The following INTU variants were observed in gnomAD, a reference collection of about 807,000 sequenced individuals.
The protein encoded by INTU is protein inturned.
INTU carries 68 observed loss-of-function variants against 100.5 expected under a neutral mutation model. That is an observed-to-expected ratio of 0.68 (90% confidence interval 0.56 to 0.83). INTU has a LOEUF of 0.83. Among genes scored for constraint, INTU ranks in the 40% least tolerant of loss-of-function variants. The pLI, the probability that INTU is intolerant of heterozygous loss-of-function variation, is 0.00. For missense variants in INTU, 1,071 were observed against 1,114.7 expected (o/e 0.96, Z 0.56); for synonymous variants, 357 against 395.7 (o/e 0.90, Z 1.16).
intron 3 of INTU, among the ~76,000 whole-genome samples, chr4:127,660,012 A>G (rs1456094976): frequency 6.6e-6 from 1 of 152,188 alleles, no homozygotes; most frequent in African/African-American, 2.4e-5. Flanking sequence ...CATTTATATC[A>G]ACATTTTAAA....
In INTU at chr4:127,718,097, T is replaced by G. The variant is rs557510981; in HGVS notation, c.*1661T>G. ...CTTAAATGGTATTGCCTAGATTTTC[T>G]TCTAGGGATTTTATAGTTTTGGGCT... On this transcript the variant is annotated 3_prime_UTR_variant, in exon 16 of 16. Transcript: ENST00000335251. 1 of 152,342 alleles carries G rather than the reference T, an allele frequency of 6.6e-6. No homozygotes were observed. Among genetic ancestry groups the G allele is most frequent in the African/African-American group, 2.4e-5 (1 of 41,584 alleles). 9.4% of individuals were successfully genotyped at this position (152,342 alleles called of 1,614,324 possible). A position where few individuals can be genotyped will look rare whatever the true frequency, so the allele number is the denominator to read the frequency against.
chr4:127,673,926 T>G (rs1388589850), intron 5 of INTU, among the ~76,000 whole-genome samples, 198 bp from the exon 6 acceptor site: 8 of 151,858 alleles, frequency 5.3e-5, no homozygotes, highest in Admixed American at 2.0e-4. Flanking sequence ...TTTTTGTTTT[T>G]TTTTTTTAAT....
chr4:127,688,971 C>CTTTTTCTTTTCTTTCTT (rs1729970316), intron 8 of INTU, among the ~76,000 whole-genome samples: 1 of 88,026 alleles, frequency 1.1e-5, no homozygotes. Context: ...TTCTTTCTTT[C>CTTTTTCTTTTCTTTCTT]TTTTTTTTTT....
chr4:127,636,033 A>G (rs1186352837), intron 1 of INTU, among the ~76,000 whole-genome samples: 1 of 152,104 alleles, frequency 6.6e-6, no homozygotes, highest in Admixed American at 6.6e-5. Flanking sequence ...TTGGGAGCCA[A>G]CGCAGGAGCA....
At position 127,723,369 on chromosome 4, in the gene INTU, T is replaced by C. The variant is rs1324445797; in HGVS notation, c.*6933T>C. The C allele has an allele frequency of 6.7e-6, 1 of 148,996 alleles. No individual in the cohort carries two copies. Among genetic ancestry groups the C allele is most frequent in the Non-Finnish European group, 1.5e-5 (1 of 67,570 alleles). The allele number at this position is 148,996 out of a possible 1,614,324, so 9.2% of individuals were successfully genotyped here. Reference sequence around the variant, plus strand: ...GCAGAGCTGCCTCTCTTTGACCATCTGGGCTCTCTGTTCTACTTTTTTTTT... The same window carrying C: ...GCAGAGCTGCCTCTCTTTGACCATCCGGGCTCTCTGTTCTACTTTTTTTTT... On this transcript the variant is annotated 3_prime_UTR_variant, in exon 16 of 16. Transcript: ENST00000335251.
chr4:127,691,595 A>AT (rs926460639), intron 8 of INTU, among the ~76,000 whole-genome samples: 20 of 150,800 alleles, frequency 1.3e-4, no homozygotes, highest in Middle Eastern at 3.4e-3. Flanking sequence ...CCTTTGGCCC[A>AT]TTTTTTTTTA....
intron 3 of INTU, among the ~76,000 whole-genome samples, chr4:127,662,483 C>T (rs191572153): frequency 1.4e-4 from 21 of 152,228 alleles, no homozygotes; most frequent in Admixed American, 2.6e-4. Flanking sequence ...CTATGTGTGG[C>T]TATCCAATTT....
In INTU at chr4:127,667,476, A is replaced by G. The variant is rs575400741; in HGVS notation, c.973-1560A>G. 3.3e-5 allele frequency among the ~76,000 whole-genome samples: 5 copies of G among 152,250 alleles called. No individual in the cohort carries two copies. The East Asian group carries it at 9.6e-4, about 29-fold the overall frequency. ...ATGGCTTAATTTATAACAAAATGTC[A>G]TAAGGTCATTTTGTTTTCTGTGAGT... On this transcript the variant is annotated intron_variant, in intron 4 of 15. Coordinates refer to ENST00000335251, the MANE Select transcript of INTU (RefSeq NM_015693.4).
chr4:127,638,931 T>C (rs1727190276), intron 1 of INTU, among the ~76,000 whole-genome samples: 1 of 152,208 alleles, frequency 6.6e-6, no homozygotes, highest in Non-Finnish European at 1.5e-5. Context: ...ATATGACCCA[T>C]GTACTACAAA....
chr4:127,646,184 C>CAAAA (rs71587329), intron 2 of INTU, among the ~76,000 whole-genome samples: 2,272 of 127,472 alleles, frequency 0.018, 24 homozygotes, highest in Middle Eastern at 0.053. Flanking sequence ...GACTCTGTCT[C>CAAAA]AAAAAAAAAA....
intron 8 of INTU, among the ~76,000 whole-genome samples, chr4:127,692,528 C>T (rs1730196645): frequency 6.6e-6 from 1 of 152,116 alleles, no homozygotes; most frequent in African/African-American, 2.4e-5. Flanking sequence ...GATTTTCTCC[C>T]ACTCTGTGGG....
intron 3 of INTU, among the ~76,000 whole-genome samples, chr4:127,662,434 T>G (rs1728515267): frequency 6.6e-6 from 1 of 152,196 alleles, no homozygotes; most frequent in Admixed American, 6.5e-5. Flanking sequence ...CCATCTTAAG[T>G]TAATTTTTGT....
intron 8 of INTU, among the ~76,000 whole-genome samples, chr4:127,696,965 T>C (rs926524995): frequency 1.3e-5 from 2 of 152,166 alleles, no homozygotes; most frequent in Non-Finnish European, 2.9e-5. Flanking sequence ...AACCTCACTG[T>C]TTTAGACCAA....
intron 3 of INTU, among the ~76,000 whole-genome samples, chr4:127,662,209 A>G (rs1728507294): frequency 6.6e-6 from 1 of 151,960 alleles, no homozygotes; most frequent in Non-Finnish European, 1.5e-5. Flanking sequence ...GTTTGCAACT[A>G]TTTTCTCCCA....
chr4:127,705,895 C>T lies in INTU; in HGVS notation c.1788+83C>T, dbSNP rs7683627. 481,110 of 979,370 alleles carry T rather than the reference C, an allele frequency of 0.49. 122,714 individuals carry two copies. The highest frequency in any genetic ancestry group is 0.66 in the South Asian group (44,178 of 66,606). The allele number at this position is 979,370 out of a possible 1,614,324, so 60.7% of individuals were successfully genotyped here. A position where few individuals can be genotyped will look rare whatever the true frequency, so the allele number is the denominator to read the frequency against. On this transcript the variant is annotated intron_variant, in intron 11 of 15. Coordinates refer to ENST00000335251, the MANE Select transcript of INTU (RefSeq NM_015693.4). ...TTTCGGCAGGGGTTGAGGGATGCAG[C>T]GGTAGGTAGGTATCTATTGACTGTC...
intron 3 of INTU, among the ~76,000 whole-genome samples, chr4:127,657,102 T>C (rs943154712): frequency 4.0e-5 from 6 of 150,584 alleles, no homozygotes; most frequent in African/African-American, 1.5e-4. Flanking sequence ...TGCTATAATG[T>C]TTTTTTTTCC....
intron 2 of INTU, 63 bp downstream of exon 2, chr4:127,644,119 G>A (rs1727463998): frequency 2.0e-6 from 3 of 1,503,068 alleles, no homozygotes; most frequent in Non-Finnish European, 2.7e-6. Context: ...ATGACACCTT[G>A]CGGGAAATGT....
Position 127,671,501 on chromosome 4 carries a change from T to C in INTU, c.1091+2347T>C, listed in dbSNP as rs555167926. Among the ~76,000 whole-genome samples the C allele has an allele frequency of 4.6e-5, 7 of 152,216 alleles. 1 individual carries two copies. The South Asian group carries it at 1.4e-3, about 32-fold the overall frequency. On this transcript the variant is annotated intron_variant, in intron 5 of 15. Transcript: ENST00000335251. ...GGATGCAGAGAAAAGGGAATGCTTA[T>C]ACAGTGCTGGTGGAATTGTAAATGA...
intron 3 of INTU, among the ~76,000 whole-genome samples, chr4:127,660,892 T>C (rs1578559488): frequency 2.0e-5 from 3 of 152,188 alleles, no homozygotes; most frequent in Admixed American, 1.3e-4. Flanking sequence ...AAACATATAA[T>C]ATCCCTAATA....
Sources: allele counts gnomAD v4.1 joint callset (sites outside exome capture counted in the v4.1 genomes callset), GRCh38; gene constraint gnomAD v4.1.1; transcripts MANE v1.5; gene names NCBI Gene and HGNC (gene_info 2026-07-23, HGNC 2026-07-21).